Variants in AFG1L observed in about 807,000 individuals in gnomAD.
AFG1L encodes the protein AFG1 like ATPase.
A neutral mutation model predicts 62.2 loss-of-function variants in AFG1L; 53 were observed. The observed-to-expected ratio is 0.85, with a 90% confidence interval of 0.68 to 1.07. AFG1L has a LOEUF of 1.07. Ranked by LOEUF, AFG1L falls within the 50% of genes least tolerant of loss-of-function variation. The pLI, the probability that AFG1L is intolerant of heterozygous loss-of-function variation, is 0.00. For synonymous variants in AFG1L, 228 were observed against 210.3 expected (o/e 1.08, Z -0.73); for missense variants, 555 against 590.5 (o/e 0.94, Z 0.62).
chr6:108,439,568 T>G (rs1484200078), intron 7 of AFG1L, among the ~76,000 whole-genome samples: 1 of 152,200 alleles, frequency 6.6e-6, no homozygotes, highest in Non-Finnish European at 1.5e-5. Context: ...CAAAATTCTA[T>G]GGTGCTAGAC....
At chr6:108,418,110 T>G (rs1222683310) in intron 7 of AFG1L, among the ~76,000 whole-genome samples, 1 of 152,086 alleles carries the variant, frequency 6.6e-6, no homozygotes, top group East Asian at 1.9e-4. Context: ...ATATAATTGT[T>G]AAAGCATTTG....
At chr6:108,442,755 AC>A (rs138763394) in intron 7 of AFG1L, among the ~76,000 whole-genome samples, 10,764 of 152,244 alleles carry the variant, frequency 0.071, 506 homozygotes, top group Middle Eastern at 0.17. Flanking sequence ...ACTCAGGGTA[AC>A]CAAGCATCCC....
chr6:108,322,843 G>A (rs1777867224), intron 1 of AFG1L, among the ~76,000 whole-genome samples: 1 of 152,292 alleles, frequency 6.6e-6, no homozygotes, highest in East Asian at 1.9e-4. Context: ...CAGTAGAGAA[G>A]GAGTTAGCTG....
chr6:108,516,524 GA>G (rs1562207969), intron 11 of AFG1L, among the ~76,000 whole-genome samples: 1 of 152,126 alleles, frequency 6.6e-6, no homozygotes, highest in East Asian at 1.9e-4. Flanking sequence ...AGCTATCTAT[GA>G]CAAACCCACA....
intron 6 of AFG1L, among the ~76,000 whole-genome samples, chr6:108,379,929 G>A (rs1313130734): frequency 6.6e-6 from 1 of 150,424 alleles, no homozygotes; most frequent in Admixed American, 6.6e-5. Context: ...CTCCATACCA[G>A]ACTCTCTGCA....
chr6:108,416,918 T>TATA (rs1303631417), intron 7 of AFG1L, among the ~76,000 whole-genome samples: 22 of 151,410 alleles, frequency 1.5e-4, no homozygotes, highest in Admixed American at 1.3e-3. Flanking sequence ...GAACTTAAAG[T>TATA]ATAATAATAA....
chr6:108,377,569 C>T (rs1780301346), intron 6 of AFG1L, among the ~76,000 whole-genome samples: 1 of 152,108 alleles, frequency 6.6e-6, no homozygotes, highest in African/African-American at 2.4e-5. Flanking sequence ...TGATAATTGG[C>T]TCCCAATCTC....
At chr6:108,520,241 A>T (rs947636118) in intron 12 of AFG1L, 6 of 157,812 alleles carry the variant, frequency 3.8e-5, no homozygotes, top group African/African-American at 1.2e-4. Context: ...CCAAGCATGT[A>T]GGCTGGCTAG....
chr6:108,397,708 C>T (rs1031018524), intron 6 of AFG1L, among the ~76,000 whole-genome samples: 9 of 152,128 alleles, frequency 5.9e-5, no homozygotes, highest in African/African-American at 1.7e-4. Flanking sequence ...TGAGAATATG[C>T]GATGTTTGTC....
intron 7 of AFG1L, among the ~76,000 whole-genome samples, chr6:108,413,545 A>T (rs188389898): frequency 2.6e-4 from 40 of 152,336 alleles, no homozygotes. Context: ...AATGTAAAAG[A>T]ACAGAAATTA....
At chr6:108,422,717 A>G (rs1346943271) in intron 7 of AFG1L, among the ~76,000 whole-genome samples, 1 of 151,922 alleles carries the variant, frequency 6.6e-6, no homozygotes, top group Non-Finnish European at 1.5e-5. Flanking sequence ...GTTTCCGTCT[A>G]ATTAATATTA....
intron 6 of AFG1L, among the ~76,000 whole-genome samples, chr6:108,380,860 G>A (rs1238533916): frequency 2.6e-5 from 4 of 152,166 alleles, no homozygotes; most frequent in Admixed American, 2.6e-4. Context: ...AGTCACAGAG[G>A]AGACTTCTTC....
chr6:108,460,063 G>GACAAA (rs981238347), intron 8 of AFG1L, among the ~76,000 whole-genome samples: 12 of 148,472 alleles, frequency 8.1e-5, no homozygotes, highest in Non-Finnish European at 1.5e-4. Flanking sequence ...TGAAAACAAA[G>GACAAA]ACAAAACAAA....
chr6:108,327,146 T>C (rs1778077586), intron 2 of AFG1L, among the ~76,000 whole-genome samples: 1 of 152,166 alleles, frequency 6.6e-6, no homozygotes. Context: ...TTAATAAAGC[T>C]CCTGAGAGTA....
intron 2 of AFG1L, among the ~76,000 whole-genome samples, chr6:108,340,111 C>G (rs1218559272): frequency 6.6e-6 from 1 of 151,350 alleles, no homozygotes; most frequent in East Asian, 1.9e-4. Context: ...AGTTCAATTG[C>G]TTTGATTTTT....
intron 6 of AFG1L, among the ~76,000 whole-genome samples, chr6:108,381,772 C>T (rs1780536401): frequency 6.6e-6 from 1 of 152,096 alleles, no homozygotes; most frequent in Admixed American, 6.5e-5. Context: ...TAATAATAGA[C>T]TAGTAGGTTA....
Position 108,369,997 on chromosome 6 carries a change from T to C in AFG1L, c.748+3665T>C, listed in dbSNP as rs1779933682. On this transcript the variant is annotated intron_variant, in intron 6 of 12. Coordinates refer to ENST00000368977, the MANE Select transcript of AFG1L (RefSeq NM_145315.5). The stretch of plus-strand genomic sequence containing the variant: ...CTATCTATCTATCTATCTTTTAAAA[T>C]AGAACCAACTTCTTAGACTGCTACA... Among the ~76,000 whole-genome samples, 3 of 150,686 alleles carry C rather than the reference T, an allele frequency of 2.0e-5. No homozygotes were observed. The South Asian group carries it at 6.3e-4, about 32-fold the overall frequency.
intron 10 of AFG1L, among the ~76,000 whole-genome samples, chr6:108,501,641 AAAAG>A (rs769677161): frequency 2.6e-5 from 4 of 152,114 alleles, no homozygotes; most frequent in Non-Finnish European, 4.4e-5. Context: ...GCAGATGAGG[AAAAG>A]AAGGAAGATT....
At chr6:108,425,867 T>C (rs1770789424) in intron 7 of AFG1L, among the ~76,000 whole-genome samples, 1 of 152,168 alleles carries the variant, frequency 6.6e-6, no homozygotes, top group Non-Finnish European at 1.5e-5. Flanking sequence ...GATACTGTTT[T>C]AGATAATAGC....
Sources: allele counts gnomAD v4.1 joint callset (sites outside exome capture counted in the v4.1 genomes callset), GRCh38; gene constraint gnomAD v4.1.1; transcripts MANE v1.5; gene names NCBI Gene and HGNC (gene_info 2026-07-23, HGNC 2026-07-21).